Variants in DEFB1 observed in about 807,000 individuals in gnomAD.
DEFB1 encodes beta-defensin 1.
A neutral mutation model predicts 2.6 loss-of-function variants in DEFB1; 4 were observed. That is an observed-to-expected ratio of 1.53 (90% CI 0.76 to 3.51). The LOEUF (loss-of-function observed/expected upper bound fraction) is 3.51. Ranked by LOEUF, DEFB1 falls within the 30% of genes most tolerant of loss-of-function variation. DEFB1 has a pLI of 0.01. For missense variants in DEFB1, 162 were observed against 76.9 expected (o/e 2.11, Z -4.14); for synonymous variants, 56 against 28.5 (o/e 1.96, Z -3.07).
intron 1 of DEFB1, among the ~76,000 whole-genome samples, chr8:6,877,019 T>TA (rs1269607423): frequency 1.3e-5 from 2 of 152,184 alleles, no homozygotes. Flanking sequence ...AATAGGATCT[T>TA]ACAGAGACTT....
At chr8:6,877,228 G>T (rs1365022878) in intron 1 of DEFB1, among the ~76,000 whole-genome samples, 1 of 152,214 alleles carries the variant, frequency 6.6e-6, no homozygotes, top group Non-Finnish European at 1.5e-5. Flanking sequence ...ACATACACCT[G>T]GCTCACAGGA....
intron 1 of DEFB1, among the ~76,000 whole-genome samples, chr8:6,871,557 C>T (rs985192902): frequency 2.8e-4 from 43 of 152,170 alleles, no homozygotes; most frequent in Non-Finnish European, 7.3e-5. Flanking sequence ...ACTGAATCCC[C>T]TAGGAAAAGA....
At chr8:6,873,619 C>A (rs776537428) in intron 1 of DEFB1, among the ~76,000 whole-genome samples, 1 of 152,166 alleles carries the variant, frequency 6.6e-6, no homozygotes, top group Non-Finnish European at 1.5e-5. Context: ...AAGCCAAGTA[C>A]CACATGTTCT....
At chr8:6,874,762 A>T (rs190681315) in intron 1 of DEFB1, among the ~76,000 whole-genome samples, 134 of 152,274 alleles carry the variant, frequency 8.8e-4, no homozygotes, top group African/African-American at 2.7e-3. Context: ...CAGGCAGATA[A>T]CTTGAGGTCA....
rs140403947 is a variant in DEFB1 at position 6,870,708 on chromosome 8, G to T, written c.180C>A (p.Tyr60Ter). The part of the protein sequence containing the change: ...PIFTKIQGTC[Y>*]RGKAKCCK ...ACTTGCAGCACTTGGCCTTCCCTCT[G>T]TAACAGGTGCCTTGAATTTTGGTAA... The change falls in exon 2 of 2, where the codon TAC (tyrosine) becomes TAA (stop). Residue 60 changes from tyrosine (Y) to a stop codon, truncating the protein, a stop_gained. Coordinates refer to ENST00000297439, the MANE Select transcript of DEFB1 (RefSeq NM_005218.4). LOFTEE classifies it high-confidence loss of function. 8.6e-5 allele frequency: 139 copies of T among 1,614,220 alleles called. No individual in the cohort carries two copies. In the East Asian group the frequency reaches 2.4e-3, roughly 28 times the overall value.
At chr8:6,871,394 C>T (rs1338038811) in intron 1 of DEFB1, among the ~76,000 whole-genome samples, 1 of 152,204 alleles carries the variant, frequency 6.6e-6, no homozygotes. Flanking sequence ...TTATTTTGCC[C>T]TTCTCCCAGT....
chr8:6,872,775 A>G (rs1252169046), intron 1 of DEFB1, among the ~76,000 whole-genome samples: 4 of 152,108 alleles, frequency 2.6e-5, no homozygotes, highest in African/African-American at 7.2e-5. Flanking sequence ...AGATTGTACT[A>G]TGTTTTAATA....
chr8:6,871,979 C>G (rs142598317), intron 1 of DEFB1, among the ~76,000 whole-genome samples: 1 of 152,196 alleles, frequency 6.6e-6, no homozygotes, highest in Non-Finnish European at 1.5e-5. Flanking sequence ...TGTTGCAGAT[C>G]TCTGTTGGAA....
rs541888843 is a variant in DEFB1 at position 6,874,998 on chromosome 8, G to C, written c.61+2799C>G. 7.9e-4 allele frequency among the ~76,000 whole-genome samples: 117 copies of C among 147,344 alleles called. 1 individual carries two copies. The highest frequency in any genetic ancestry group is 2.9e-3 in the African/African-American group (114 of 39,772). On this transcript the variant is annotated intron_variant, in intron 1 of 1. Coordinates refer to ENST00000297439, the MANE Select transcript of DEFB1 (RefSeq NM_005218.4). ...CTCAGTCTCAAAAAAAAAAAAAGTT[G>C]GTTCTGGACAATCAGATATTCATAT...
intron 1 of DEFB1, among the ~76,000 whole-genome samples, chr8:6,876,109 C>G (rs1332181056): frequency 6.6e-6 from 1 of 152,130 alleles, no homozygotes; most frequent in African/African-American, 2.4e-5. Context: ...GCACACACCC[C>G]AAACTGAAAT....
At chr8:6,874,471 A>G (rs2980924) in intron 1 of DEFB1, among the ~76,000 whole-genome samples, 125,307 of 152,216 alleles carry the variant, frequency 0.82, 51,788 homozygotes, top group Middle Eastern at 0.89. Context: ...GAGAATAGCC[A>G]AGACACATTT....
Position 6,877,825 on chromosome 8 carries a change from G to C in DEFB1, c.33C>G (p.Leu11=), listed in dbSNP as rs896907927. MRTSYLLLFT[L]CLLLSEMASG... The stretch of plus-strand genomic sequence containing the variant: ...AGGCCATCTCAGACAAAAGTAAGCA[G>C]AGAGTAAACAGCAGAAGGTAGGAAG... The change falls in exon 1 of 2, where the codon CTC becomes CTG. Residue 11 remains leucine, a synonymous_variant. Coordinates refer to ENST00000297439, the MANE Select transcript of DEFB1 (RefSeq NM_005218.4). The C allele has an allele frequency of 5.6e-6, 9 of 1,613,954 alleles. No homozygotes were observed. The highest frequency in any genetic ancestry group is 1.3e-5 in the African/African-American group (1 of 74,930).
chr8:6,871,350 T>C (rs1168513049), intron 1 of DEFB1, among the ~76,000 whole-genome samples: 1 of 152,172 alleles, frequency 6.6e-6, no homozygotes, highest in Non-Finnish European at 1.5e-5. Flanking sequence ...GGTTACTCTC[T>C]AAAACTTTCA....
chr8:6,874,153 A>ACG lies in DEFB1; in HGVS notation c.62-3328_62-3327insCG, dbSNP rs1554540636. Among the ~76,000 whole-genome samples, 1,247 of 142,042 alleles carry ACG rather than the reference A, an allele frequency of 8.8e-3. 19 individuals carry two copies. Among genetic ancestry groups the ACG allele is most frequent in the Non-Finnish European group, 0.014 (876 of 63,698 alleles). The allele number at this position is 142,042 out of a possible 152,430, so 93.2% of individuals were successfully genotyped here. A position where few individuals can be genotyped will look rare whatever the true frequency, so the allele number is the denominator to read the frequency against. On this transcript the variant is annotated intron_variant, in intron 1 of 1. Coordinates refer to ENST00000297439, the MANE Select transcript of DEFB1 (RefSeq NM_005218.4). Reference sequence around the variant, plus strand: ...CACACACACACACACACACGCACACACACGCACATGTGCACTTTGTAGGTA... The same window carrying ACG: ...CACACACACACACACACACGCACACACGCACGCACATGTGCACTTTGTAGGTA...
At chr8:6,874,341 A>C (rs1304432466) in intron 1 of DEFB1, among the ~76,000 whole-genome samples, 1 of 117,886 alleles carries the variant, frequency 8.5e-6, no homozygotes, top group Non-Finnish European at 1.7e-5. Flanking sequence ...CTGTTAAAGC[A>C]TTTGAAGATT....
intron 1 of DEFB1, among the ~76,000 whole-genome samples, chr8:6,873,823 C>A (rs1420254485): frequency 1.3e-5 from 2 of 152,184 alleles, no homozygotes; most frequent in African/African-American, 4.8e-5. Context: ...TCCTAGGTGA[C>A]ACTGAAGCTT....
At chr8:6,873,611 G>C (rs768625395) in intron 1 of DEFB1, among the ~76,000 whole-genome samples, 2 of 152,160 alleles carry the variant, frequency 1.3e-5, no homozygotes, top group Non-Finnish European at 2.9e-5. Context: ...GGAAAAGAAA[G>C]CCAAGTACCA....
intron 1 of DEFB1, 94 bp from the exon 2 acceptor site, chr8:6,870,920 C>T: frequency 5.2e-6 from 7 of 1,345,446 alleles, no homozygotes; most frequent in East Asian, 2.4e-5. Context: ...AACTGCAAAA[C>T]ACCGGAGAGT....
rs1806595424 is a variant in DEFB1 at position 6,877,907 on chromosome 8, C to T, written c.-50G>A. 4 of 1,572,170 alleles carry T rather than the reference C, an allele frequency of 2.5e-6. No homozygotes were observed. Among genetic ancestry groups the T allele is most frequent in the East Asian group, 2.2e-5 (1 of 44,632 alleles). On this transcript the variant is annotated 5_prime_UTR_variant, in exon 1 of 2. Transcript: ENST00000297439. ...ATTTCAGGAACTGGGGAGACGCTGG[C>T]TCCTTTGGAGGCTGAGCTGACAGAG...
Sources: gnomAD v4.1 joint callset for allele counts (sites outside exome capture counted in the v4.1 genomes callset) on GRCh38, gnomAD v4.1.1 for gene constraint, MANE v1.5 for transcripts, NCBI Gene and HGNC (gene_info 2026-07-23, HGNC 2026-07-21) for gene names.